Variants in NEDD4L observed in about 807,000 individuals in gnomAD.
The protein encoded by NEDD4L is NEDD4 like E3 ubiquitin protein ligase.
In NEDD4L, 54 loss-of-function variants were observed where a neutral mutation model predicts 148.9. That is an observed-to-expected ratio of 0.36 (90% CI 0.29 to 0.45). The LOEUF is 0.45. Ranked by LOEUF, NEDD4L falls within the 20% of genes least tolerant of loss-of-function variation. NEDD4L has a pLI of 1.00. For synonymous variants in NEDD4L, 433 were observed against 440.7 expected (o/e 0.98, Z 0.22); for missense variants, 856 against 1,233.8 (o/e 0.69, Z 4.59).
intron 5 of NEDD4L, among the ~76,000 whole-genome samples, chr18:58,295,708 G>C (rs1335857674): frequency 1.3e-5 from 2 of 152,122 alleles, no homozygotes; most frequent in Non-Finnish European, 2.9e-5. Flanking sequence ...GTGCTCAGGT[G>C]CTATGCTGTG....
At chr18:58,278,950 C>T (rs2052578977) in intron 5 of NEDD4L, among the ~76,000 whole-genome samples, 1 of 152,184 alleles carries the variant, frequency 6.6e-6, no homozygotes, top group African/African-American at 2.4e-5. Flanking sequence ...CAGCTCACTG[C>T]CACCTCTGCC....
At chr18:58,283,649 C>G (rs892687923) in intron 5 of NEDD4L, among the ~76,000 whole-genome samples, 1 of 152,204 alleles carries the variant, frequency 6.6e-6, no homozygotes. Context: ...TTGAAGCCAG[C>G]TGCTGGTGCT....
At chr18:58,230,344 C>T (rs763611586) in intron 2 of NEDD4L, among the ~76,000 whole-genome samples, 139 of 151,258 alleles carry the variant, frequency 9.2e-4, no homozygotes, top group Admixed American at 2.2e-3. Context: ...TTTAGTTAAT[C>T]GAAAGTGGCT....
At chr18:58,227,799 T>G in intron 2 of NEDD4L, 8 of 788,962 alleles carry the variant, frequency 1.0e-5, no homozygotes, top group Non-Finnish European at 1.2e-5. Flanking sequence ...TTGTTCAAAC[T>G]CCCTAAGAGC....
chr18:58,262,633 A>C (rs2049589378), intron 5 of NEDD4L, among the ~76,000 whole-genome samples: 1 of 13,260 alleles, frequency 7.5e-5, no homozygotes, highest in Admixed American at 1.0e-3. Context: ...TGTCTCAGGA[A>C]AAAAAAAAAA....
chr18:58,072,844 T>C (rs2082938909), intron 1 of NEDD4L, among the ~76,000 whole-genome samples: 1 of 150,790 alleles, frequency 6.6e-6, no homozygotes, highest in Admixed American at 6.6e-5. Context: ...ATCTTGTATA[T>C]AGAAAATCCT....
intron 2 of NEDD4L, among the ~76,000 whole-genome samples, chr18:58,202,448 G>A (rs2041517970): frequency 6.6e-6 from 1 of 152,276 alleles, no homozygotes; most frequent in African/African-American, 2.4e-5. Flanking sequence ...CAGAGGGGCT[G>A]AGATAGAATC....
Position 58,389,211 on chromosome 18 carries a change from CCCAG to C in NEDD4L, c.2655+22_2655+25del. 6.3e-7 allele frequency: 1 copy of C among 1,580,126 alleles called. No homozygotes were observed. The highest frequency in any genetic ancestry group is 8.7e-7 in the Non-Finnish European group (1 of 1,150,550). The stretch of plus-strand genomic sequence containing the variant: ...CTGGAAGGTAACTCCGGGGCCCAGC[CCCAG>C]CCGGTGTCCTCCACCTGAGGCAGGA... On this transcript the variant is annotated intron_variant, in intron 28 of 30. Coordinates refer to ENST00000400345, the MANE Select transcript of NEDD4L (RefSeq NM_001144967.3).
intron 1 of NEDD4L, among the ~76,000 whole-genome samples, chr18:58,059,581 C>T (rs997804196): frequency 1.3e-5 from 2 of 152,160 alleles, no homozygotes; most frequent in African/African-American, 4.8e-5. Flanking sequence ...TGTCACTCCT[C>T]CCCTGGAGTG....
At chr18:58,349,714 C>T in intron 17 of NEDD4L, 100 bp downstream of exon 17, 1 of 875,548 alleles carries the variant, frequency 1.1e-6, no homozygotes, top group South Asian at 1.5e-5. Flanking sequence ...TATCTCCAGG[C>T]TTTGTGGATC....
chr18:58,365,882 G>A (rs926771762), intron 20 of NEDD4L, 117 bp from the exon 21 acceptor site: 1 of 667,454 alleles, frequency 1.5e-6, no homozygotes, highest in Non-Finnish European at 2.5e-6. Context: ...GGAACCATTT[G>A]TCACTGCCTG....
intron 1 of NEDD4L, among the ~76,000 whole-genome samples, chr18:58,104,916 A>T (rs1168787998): frequency 7.7e-6 from 1 of 129,700 alleles, no homozygotes; most frequent in Non-Finnish European, 1.6e-5. Flanking sequence ...TGTTGCAGGG[A>T]GGATTCTGAG....
At chr18:58,391,795 C>A (rs1194115438) in intron 30 of NEDD4L, among the ~76,000 whole-genome samples, 1 of 152,220 alleles carries the variant, frequency 6.6e-6, no homozygotes, top group Admixed American at 6.5e-5. Flanking sequence ...AATTTCTCCT[C>A]TGAGCCCAGT....
chr18:58,383,139 T>C, intron 24 of NEDD4L, 107 bp from the exon 25 acceptor site: 1 of 675,988 alleles, frequency 1.5e-6, no homozygotes, highest in Non-Finnish European at 2.6e-6. Flanking sequence ...CCGGGAAATA[T>C]TTCTGAATAC....
intron 1 of NEDD4L, among the ~76,000 whole-genome samples, chr18:58,156,215 AG>A (rs1425827893): frequency 2.7e-4 from 41 of 152,234 alleles, no homozygotes; most frequent in African/African-American, 8.7e-4. Flanking sequence ...TCTTCCTAAA[AG>A]GAATTGTAAA....
At chr18:58,213,332 C>G (rs759151809) in intron 2 of NEDD4L, among the ~76,000 whole-genome samples, 3 of 152,086 alleles carry the variant, frequency 2.0e-5, no homozygotes, top group Non-Finnish European at 2.9e-5. Flanking sequence ...TATGAAAACC[C>G]ATCAGTTGAA....
intron 2 of NEDD4L, among the ~76,000 whole-genome samples, chr18:58,187,409 G>A (rs1016914664): frequency 3.3e-5 from 5 of 152,110 alleles, no homozygotes; most frequent in Admixed American, 3.3e-4. Context: ...CAGAGGGCAG[G>A]GACCGGGGAA....
At chr18:58,385,400 C>T in intron 25 of NEDD4L, 126 bp from the exon 26 acceptor site, 1 of 788,366 alleles carries the variant, frequency 1.3e-6, no homozygotes, top group Non-Finnish European at 2.3e-6. Flanking sequence ...ACAGTGGGGG[C>T]ACAGAGGAGA....
intron 1 of NEDD4L, among the ~76,000 whole-genome samples, chr18:58,144,255 G>A (rs2033870717): frequency 6.6e-6 from 1 of 152,126 alleles, no homozygotes; most frequent in Admixed American, 6.5e-5. Flanking sequence ...GATACAGGAT[G>A]CATGATGCTG....
Sources: allele counts gnomAD v4.1 joint callset (sites outside exome capture counted in the v4.1 genomes callset), GRCh38; gene constraint gnomAD v4.1.1; transcripts MANE v1.5; gene names NCBI Gene and HGNC (gene_info 2026-07-23, HGNC 2026-07-21).